The following TRDN variants were observed in gnomAD, a reference collection of about 807,000 sequenced individuals.
TRDN encodes triadin in skeletal muscle.
A neutral mutation model predicts 149.7 loss-of-function variants in TRDN; 161 were observed. That is an observed-to-expected ratio of 1.08 (90% confidence interval 0.95 to 1.23). TRDN has a LOEUF of 1.23. Ranked by LOEUF, TRDN falls within the 50% of genes most tolerant of loss-of-function variation. The pLI, the probability that TRDN is intolerant of heterozygous loss-of-function variation, is 0.00. For synonymous variants in TRDN, 294 were observed against 250.5 expected, an observed-to-expected ratio of 1.17 and a Z score of -1.64; for missense variants, 896 against 823.5, an observed-to-expected ratio of 1.09 and a Z score of -1.08.
intron 1 of TRDN, among the ~76,000 whole-genome samples, chr6:123,627,598 T>A (rs2114730854): frequency 6.6e-6 from 1 of 152,342 alleles, no homozygotes. Context: ...AGTCACCAGC[T>A]GCATTATTCC....
At chr6:123,562,245 G>T (rs563363076) in intron 2 of TRDN, among the ~76,000 whole-genome samples, 1 of 151,836 alleles carries the variant, frequency 6.6e-6, no homozygotes, top group Admixed American at 6.6e-5. Flanking sequence ...ATCTCCCTTC[G>T]CTGACTCTCT....
chr6:123,483,300 C>T (rs1216532943), intron 9 of TRDN, among the ~76,000 whole-genome samples: 1 of 151,548 alleles, frequency 6.6e-6, no homozygotes, highest in African/African-American at 2.4e-5. Context: ...GACGGGGTTT[C>T]ACCGTGTTAG....
intron 9 of TRDN, among the ~76,000 whole-genome samples, chr6:123,465,602 A>AG: frequency 7.1e-6 from 1 of 140,624 alleles, no homozygotes; most frequent in Non-Finnish European, 1.5e-5. Flanking sequence ...AAAAAAAAAA[A>AG]AAGAGAGAGA....
intron 24 of TRDN, among the ~76,000 whole-genome samples, chr6:123,289,386 T>A (rs188685093): frequency 1.3e-5 from 2 of 152,064 alleles, no homozygotes; most frequent in Admixed American, 6.6e-5. Flanking sequence ...TCAGTTAAAC[T>A]GGAGGAATAA....
intron 2 of TRDN, among the ~76,000 whole-genome samples, chr6:123,561,943 G>A (rs184137219): frequency 2.4e-3 from 367 of 152,164 alleles, no homozygotes; most frequent in African/African-American, 8.6e-3. Flanking sequence ...AGGAATGTCA[G>A]ACCTCTGAGC....
intron 4 of TRDN, among the ~76,000 whole-genome samples, chr6:123,544,652 T>C (rs1311591324): frequency 2.0e-5 from 3 of 152,090 alleles, no homozygotes; most frequent in African/African-American, 7.2e-5. Flanking sequence ...TTCATACTTA[T>C]AATTTTTAGA....
chr6:123,557,580 C>T (rs573846893), intron 2 of TRDN, among the ~76,000 whole-genome samples: 3 of 152,202 alleles, frequency 2.0e-5, no homozygotes, highest in Non-Finnish European at 2.9e-5. Flanking sequence ...CCCAAAACTC[C>T]GGAGCCGGTC....
chr6:123,625,683 T>C (rs537063937), intron 1 of TRDN, among the ~76,000 whole-genome samples: 3 of 152,324 alleles, frequency 2.0e-5, no homozygotes, highest in South Asian at 4.1e-4. Context: ...TTACTCATTG[T>C]ATGCCTGTAT....
chr6:123,530,521 T>C lies in TRDN; in HGVS notation c.469A>G (p.Lys157Glu). 1 of 1,250,148 alleles carries C rather than the reference T, an allele frequency of 8.0e-7. No homozygotes were observed. The highest frequency in any genetic ancestry group is 1.1e-6 in the Non-Finnish European group (1 of 933,926). The allele number at this position is 1,250,148 out of a possible 1,614,324, so 77.4% of individuals were successfully genotyped here. A position where few individuals can be genotyped will look rare whatever the true frequency, so the allele number is the denominator to read the frequency against. ...KTEKQEKPER[K>E]IQTKVTHKEK... ...AAATGTTTACCTTTAGTTTGTATTT[T>C]CCTTTCAGGTTTCTCTTGTTTTTCA... is the stretch of plus-strand genomic sequence containing the variant. Residue 157 changes from lysine to glutamate, a missense_variant, in exon 5 of 41, where the codon AAA (lysine) becomes GAA (glutamate). Physicochemically the swap from Lys to Glu is moderately conservative, Grantham distance 56. Transcript: ENST00000334268.
intron 16 of TRDN, among the ~76,000 whole-genome samples, chr6:123,379,354 C>T (rs1321617753): frequency 6.6e-6 from 1 of 152,062 alleles, no homozygotes; most frequent in Non-Finnish European, 1.5e-5. Flanking sequence ...AATGGCTTGG[C>T]CAAGTGTTGC....
chr6:123,391,214 T>C (rs1304385578), intron 13 of TRDN, among the ~76,000 whole-genome samples: 5 of 152,150 alleles, frequency 3.3e-5, no homozygotes. Flanking sequence ...CCAATTATTT[T>C]ACTTTTGCTC....
intron 39 of TRDN, among the ~76,000 whole-genome samples, chr6:123,223,727 T>TCCTTCCTC (rs1775247682): frequency 1.4e-5 from 2 of 147,052 alleles, no homozygotes; most frequent in East Asian, 4.0e-4. Context: ...CTTCCTTCCT[T>TCCTTCCTC]CCTTCCTGAT....
At chr6:123,528,552 G>T in intron 5 of TRDN, 1 of 777,972 alleles carries the variant, frequency 1.3e-6, no homozygotes, top group Non-Finnish European at 1.6e-6. Context: ...TTCAAATACT[G>T]TATCTTTTCT....
chr6:123,391,245 T>C (rs1331752648), intron 13 of TRDN, among the ~76,000 whole-genome samples: 1 of 152,112 alleles, frequency 6.6e-6, no homozygotes, highest in Non-Finnish European at 1.5e-5. Context: ...CACTGAAGAA[T>C]GAATCATCTT....
intron 33 of TRDN, 49 bp from the exon 34 acceptor site, chr6:123,260,687 A>T: frequency 7.3e-7 from 1 of 1,367,528 alleles, no homozygotes; most frequent in African/African-American, 1.5e-5. Context: ...AAAAAAAATA[A>T]AAAGAAAAAG....
chr6:123,631,439 G>A (rs1327920605), intron 1 of TRDN, among the ~76,000 whole-genome samples: 1 of 151,866 alleles, frequency 6.6e-6, no homozygotes, highest in African/African-American at 2.4e-5. Context: ...CCAATAATAT[G>A]AAACTAACCT....
At chr6:123,281,793 T>A (rs1341470643) in intron 24 of TRDN, among the ~76,000 whole-genome samples, 1 of 151,996 alleles carries the variant, frequency 6.6e-6, no homozygotes, top group Non-Finnish European at 1.5e-5. Flanking sequence ...GGTTTCCGAG[T>A]TAGTTGTCTA....
chr6:123,329,683 A>T, intron 23 of TRDN, among the ~76,000 whole-genome samples: 1 of 152,264 alleles, frequency 6.6e-6, no homozygotes, highest in Middle Eastern at 3.4e-3. Context: ...TTCAATGCAT[A>T]AAATTTTAAA....
intron 12 of TRDN, among the ~76,000 whole-genome samples, chr6:123,399,907 C>T (rs185700060): frequency 1.1e-4 from 17 of 151,948 alleles, no homozygotes; most frequent in Non-Finnish European, 8.8e-5. Context: ...GAATGATTTC[C>T]TTAGGAGAAG....
Sources: allele counts gnomAD v4.1 joint callset (sites outside exome capture counted in the v4.1 genomes callset), GRCh38; gene constraint gnomAD v4.1.1; transcripts MANE v1.5; gene names NCBI Gene and HGNC (gene_info 2026-07-23, HGNC 2026-07-21).